RBM33: variants seen among roughly 807,000 people sequenced by gnomAD.
The protein encoded by RBM33 is RNA binding motif protein 33, also known as RNA-binding protein 33.
A neutral mutation model predicts 132.6 loss-of-function variants in RBM33; 28 were observed. The ratio of observed to expected loss-of-function variants is 0.21; its 90% CI spans 0.16 to 0.29. The LOEUF (loss-of-function observed/expected upper bound fraction) is 0.29, where lower values mean the gene tolerates loss of function less well. Ranked by LOEUF, RBM33 falls within the 10% of genes least tolerant of loss-of-function variation. The probability of loss-of-function intolerance (pLI) is 1.00; values close to 1 mark genes in which losing one functional copy is unlikely to be tolerated. For synonymous variants in RBM33, 634 were observed against 593.0 expected (o/e 1.07, Z -1.01); for missense variants, 1,291 against 1,518.5 (o/e 0.85, Z 2.49).
intron 5 of RBM33, among the ~76,000 whole-genome samples, chr7:155,696,388 T>A (rs1799795318): frequency 6.6e-6 from 1 of 152,242 alleles, no homozygotes; most frequent in South Asian, 2.1e-4. Context: ...TTTAAAATTC[T>A]TCCTTTTCAA....
chr7:155,646,730 G>C (rs556362115), intron 1 of RBM33, among the ~76,000 whole-genome samples: 3 of 152,218 alleles, frequency 2.0e-5, no homozygotes, highest in African/African-American at 7.2e-5. Context: ...ACCTTTGTTT[G>C]TTTTCTTCAG....
chr7:155,768,626 T>C (rs1802301396), intron 16 of RBM33, among the ~76,000 whole-genome samples: 1 of 152,258 alleles, frequency 6.6e-6, no homozygotes, highest in Non-Finnish European at 1.5e-5. Flanking sequence ...TTTTTTGTTT[T>C]TGTTTTTGGA....
At chr7:155,670,453 C>T (rs1798914524) in intron 2 of RBM33, among the ~76,000 whole-genome samples, 1 of 152,152 alleles carries the variant, frequency 6.6e-6, no homozygotes, top group Non-Finnish European at 1.5e-5. Flanking sequence ...CTTATGTGTA[C>T]ATCCTTTGTG....
chr7:155,716,710 G>A (rs1800473513), intron 8 of RBM33, among the ~76,000 whole-genome samples: 1 of 151,984 alleles, frequency 6.6e-6, no homozygotes, highest in African/African-American at 2.4e-5. Context: ...ACTTTCTCCA[G>A]TCTAGTGTTT....
At position 155,680,612 on chromosome 7, in the gene RBM33, C is replaced by G; in HGVS notation, c.271C>G (p.Leu91Val). ...NFSSQGVTIS[L>V]NATSGMVTSF... is the part of the protein sequence containing the mutation. The stretch of plus-strand genomic sequence containing the variant: ...TAGTTCTCAGGGTGTTACAATTAGT[C>G]TGAATGCTACATCTGGCATGGTTAC... Residue 91 changes from leucine to valine, a missense_variant, in exon 5 of 18, where the codon CTG becomes GTG. Leu to Val is a conservative substitution (Grantham distance 32). Around this residue, in one of 7 missense-constraint regions of RBM33, gnomAD observed 194 missense variants for 249.8 expected, o/e 0.78. Transcript: ENST00000401878. 6.3e-7 allele frequency: 1 copy of G among 1,599,970 alleles called. No individual in the cohort carries two copies. The highest frequency in any genetic ancestry group is 8.5e-7 in the Non-Finnish European group (1 of 1,174,806).
At chr7:155,695,553 G>C (rs999586805) in intron 5 of RBM33, among the ~76,000 whole-genome samples, 10 of 152,008 alleles carry the variant, frequency 6.6e-5, no homozygotes, top group African/African-American at 2.2e-4. Flanking sequence ...TCTGCCTCCT[G>C]GGTTCATGTG....
In RBM33 at chr7:155,775,049, C is replaced by T. The variant is rs747979583; in HGVS notation, c.*8C>T. On this transcript the variant is annotated 3_prime_UTR_variant, in exon 18 of 18. Coordinates refer to ENST00000401878, the MANE Select transcript of RBM33 (RefSeq NM_053043.3). ...GCCCTGATCGTGGAGTGAGTCCTAACAAGAGAGCCTGACCTTAGGCTGTAC... is the reference window on the plus strand; with the variant it reads ...GCCCTGATCGTGGAGTGAGTCCTAATAAGAGAGCCTGACCTTAGGCTGTAC... The T allele has an allele frequency of 1.7e-5, 28 of 1,611,348 alleles. No homozygotes were observed. Among genetic ancestry groups the T allele is most frequent in the Non-Finnish European group, 2.4e-5 (28 of 1,177,648 alleles).
intron 9 of RBM33, among the ~76,000 whole-genome samples, chr7:155,729,450 C>A (rs77816194): frequency 0.013 from 1,980 of 152,262 alleles, 49 homozygotes; most frequent in African/African-American, 0.045. Context: ...AAAATAATTT[C>A]TCTTGGCCAG....
At chr7:155,740,593 C>T (rs1801299436) in intron 12 of RBM33, among the ~76,000 whole-genome samples, 1 of 152,208 alleles carries the variant, frequency 6.6e-6, no homozygotes. Flanking sequence ...TGTTCTCAAG[C>T]ACCATCAGCA....
intron 9 of RBM33, among the ~76,000 whole-genome samples, chr7:155,735,426 C>G (rs910182390): frequency 2.6e-5 from 4 of 152,098 alleles, no homozygotes; most frequent in African/African-American, 9.7e-5. Context: ...GAATATTGGC[C>G]AGGTGTTGTG....
At chr7:155,672,553 G>A (rs970130884) in intron 2 of RBM33, among the ~76,000 whole-genome samples, 2 of 152,020 alleles carry the variant, frequency 1.3e-5, no homozygotes, top group Non-Finnish European at 2.9e-5. Flanking sequence ...TCAGGAGTTC[G>A]AGACCAGCCT....
chr7:155,666,488 C>T (rs1391779346), intron 2 of RBM33, among the ~76,000 whole-genome samples: 1 of 152,178 alleles, frequency 6.6e-6, no homozygotes, highest in Admixed American at 6.5e-5. Context: ...TCTCTTATCC[C>T]AGTCAAGCTG....
At chr7:155,651,582 C>CAAAAA (rs34693646) in intron 1 of RBM33, among the ~76,000 whole-genome samples, 6 of 94,538 alleles carry the variant, frequency 6.3e-5, no homozygotes, top group African/African-American at 1.8e-4. Context: ...TTTGTCTCAC[C>CAAAAA]AAAAAAAAAA....
At chr7:155,716,143 C>T (rs1036436004) in intron 8 of RBM33, among the ~76,000 whole-genome samples, 6 of 152,254 alleles carry the variant, frequency 3.9e-5, no homozygotes, top group South Asian at 2.1e-4. Context: ...TTAAATTCTT[C>T]GCTGCAGTAG....
rs545643441 is a variant in RBM33, at chr7:155,781,110, T to C, written c.*6069T>C. 1 of 152,996 alleles carries C rather than the reference T, an allele frequency of 6.5e-6. No individual in the cohort carries two copies. Among genetic ancestry groups the C allele is most frequent in the Admixed American group, 6.5e-5 (1 of 15,310 alleles). 9.5% of individuals were successfully genotyped at this position (152,996 alleles called of 1,614,324 possible). A position where few individuals can be genotyped will look rare whatever the true frequency, so the allele number is the denominator to read the frequency against. On this transcript the variant is annotated 3_prime_UTR_variant, in exon 18 of 18. Coordinates refer to ENST00000401878, the MANE Select transcript of RBM33 (RefSeq NM_053043.3). ...GACGGGGCCTCCCGGCCCTGATGCG[T>C]GTACACTCTGCGGGCTGCACCGGGT...
At chr7:155,763,566 TATATG>T (rs1407682123) in intron 14 of RBM33, among the ~76,000 whole-genome samples, 1 of 152,262 alleles carries the variant, frequency 6.6e-6, no homozygotes, top group Non-Finnish European at 1.5e-5. Context: ...GCAGATCTCT[TATATG>T]AATATAGTAA....
intron 15 of RBM33, 84 bp downstream of exon 15, chr7:155,764,102 C>T (rs1343683484): frequency 1.4e-5 from 15 of 1,077,720 alleles, no homozygotes; most frequent in Non-Finnish European, 2.0e-5. Flanking sequence ...ATTTGTAGCG[C>T]ATGGCACACA....
At chr7:155,682,531 C>G (rs17837566) in intron 5 of RBM33, among the ~76,000 whole-genome samples, 3,322 of 152,278 alleles carry the variant, frequency 0.022, 129 homozygotes, top group African/African-American at 0.076. Context: ...TTTATTATTT[C>G]TGTTACTCAT....
intron 16 of RBM33, among the ~76,000 whole-genome samples, chr7:155,772,898 G>GT (rs1178551911): frequency 5.9e-5 from 9 of 152,184 alleles, no homozygotes. Context: ...TTTCGGGAGT[G>GT]TTTGAGTATT....
Sources: gnomAD v4.1 joint callset for allele counts (sites outside exome capture counted in the v4.1 genomes callset) on GRCh38, gnomAD v4.1.1 for gene constraint, gnomAD v4.1.1 regional missense constraint, MANE v1.5 for transcripts, NCBI Gene and HGNC (gene_info 2026-07-23, HGNC 2026-07-21) for gene names.